The following MAL2 variants were observed in gnomAD, a reference collection of about 807,000 sequenced individuals.
The protein encoded by MAL2 is mal, T cell differentiation protein 2.
A neutral mutation model predicts 18.1 loss-of-function variants in MAL2; 17 were observed. The observed-to-expected ratio is 0.94, with a 90% CI of 0.64 to 1.41. The LOEUF (loss-of-function observed/expected upper bound fraction) is 1.41, where lower values mean the gene tolerates loss of function less well. Ranked by LOEUF, MAL2 falls within the 40% of genes most tolerant of loss-of-function variation. The pLI, the probability that MAL2 is intolerant of heterozygous loss-of-function variation, is 0.00. For missense variants in MAL2, 222 were observed against 231.9 expected (o/e 0.96, Z 0.28); for synonymous variants, 102 against 102.3 (o/e 1.00, Z 0.02).
At chr8:119,213,047 A>G (rs1472405989) in intron 1 of MAL2, among the ~76,000 whole-genome samples, 3 of 152,150 alleles carry the variant, frequency 2.0e-5, no homozygotes, top group Non-Finnish European at 1.5e-5. Context: ...TAGTTTAGAT[A>G]AGGGATGAAA....
intron 1 of MAL2, among the ~76,000 whole-genome samples, chr8:119,219,602 TTGAGG>T (rs1817430804): frequency 6.6e-6 from 1 of 151,878 alleles, no homozygotes; most frequent in Non-Finnish European, 1.5e-5. Flanking sequence ...TCTCACTTGC[TTGAGG>T]TGTCTTCAGG....
chr8:119,239,912 A>T (rs899545745), intron 2 of MAL2, among the ~76,000 whole-genome samples: 6 of 152,136 alleles, frequency 3.9e-5, no homozygotes, highest in Non-Finnish European at 7.4e-5. Context: ...ATAATAATAA[A>T]AAAATAAAAT....
At chr8:119,234,837 G>C (rs867680134) in intron 2 of MAL2, among the ~76,000 whole-genome samples, 20 of 151,848 alleles carry the variant, frequency 1.3e-4, no homozygotes, top group South Asian at 4.2e-4. Flanking sequence ...ACCAAAAGTA[G>C]ATAAAACCAC....
intron 3 of MAL2, among the ~76,000 whole-genome samples, chr8:119,241,638 C>G (rs1011943141): frequency 6.6e-6 from 1 of 152,060 alleles, no homozygotes; most frequent in Non-Finnish European, 1.5e-5. Context: ...GATTTCAAGA[C>G]CTATTGTAAG....
In MAL2 at chr8:119,208,370, G is replaced by C; in HGVS notation, c.-103G>C. 1.7e-6 allele frequency: 1 copy of C among 599,142 alleles called. No homozygotes were observed. The highest frequency in any genetic ancestry group is 2.1e-6 in the Non-Finnish European group (1 of 476,364). 37.1% of individuals were successfully genotyped at this position (599,142 alleles called of 1,614,324 possible). ...CGCCTCCTCCCGCGCGGCGCGCCCGGAGCCCGCGGAGCTGAGCGGCGGCGG... is the reference window on the plus strand; with the variant it reads ...CGCCTCCTCCCGCGCGGCGCGCCCGCAGCCCGCGGAGCTGAGCGGCGGCGG... On this transcript the variant is annotated 5_prime_UTR_variant, in exon 1 of 4. Coordinates refer to ENST00000614891, the MANE Select transcript of MAL2 (RefSeq NM_052886.3). This position sits in a 1 kb window ranked among gnomAD's most constrained non-coding sequence, Gnocchi z 4.3.
At chr8:119,233,942 A>G (rs1223427096) in intron 2 of MAL2, among the ~76,000 whole-genome samples, 1 of 152,164 alleles carries the variant, frequency 6.6e-6, no homozygotes, top group African/African-American at 2.4e-5. Context: ...ATACTGGCAA[A>G]CCAAGGGGAG....
rs758440338 is a variant in MAL2, at chr8:119,245,025, C to T, written c.*1537C>T. The T allele has an allele frequency of 2.0e-5, 3 of 152,484 alleles. No homozygotes were observed. Among genetic ancestry groups the T allele is most frequent in the South Asian group, 2.1e-4 (1 of 4,830 alleles). The allele number at this position is 152,484 out of a possible 1,614,324, so 9.4% of individuals were successfully genotyped here. On this transcript the variant is annotated 3_prime_UTR_variant, in exon 4 of 4. Transcript: ENST00000614891. ...ACAACCATGAATGAGTGGCATGATC[C>T]GTGCTTAATGATCAAGTGTTACTTA... is the stretch of plus-strand genomic sequence containing the variant.
chr8:119,225,347 A>T (rs1476577094), intron 2 of MAL2, among the ~76,000 whole-genome samples: 1 of 149,794 alleles, frequency 6.7e-6, no homozygotes, highest in Non-Finnish European at 1.5e-5. Context: ...TTCAATTCCC[A>T]TCTATGAGTG....
chr8:119,222,179 T>C (rs890334345), intron 2 of MAL2, among the ~76,000 whole-genome samples: 5 of 152,106 alleles, frequency 3.3e-5, no homozygotes, highest in Non-Finnish European at 7.4e-5. Flanking sequence ...GAAAAGGGCA[T>C]GTTTCATATT....
chr8:119,237,268 A>G (rs1817927306), intron 2 of MAL2, among the ~76,000 whole-genome samples: 2 of 150,896 alleles, frequency 1.3e-5, no homozygotes, highest in African/African-American at 2.5e-5. Flanking sequence ...TAGACCAATA[A>G]CAGGAGCTGA....
Position 119,243,595 on chromosome 8 carries a change from T to G in MAL2, c.*107T>G. ...AGATGCAAAAACATTCCAAAAGTAA[T>G]GTGTTTAGTAGAGAGAGACTCTAAG... On this transcript the variant is annotated 3_prime_UTR_variant, in exon 4 of 4. Transcript: ENST00000614891. 1 of 943,934 alleles carries G rather than the reference T, an allele frequency of 1.1e-6. No individual in the cohort carries two copies. The highest frequency in any genetic ancestry group is 1.5e-6 in the Non-Finnish European group (1 of 652,722). 58.5% of individuals were successfully genotyped at this position (943,934 alleles called of 1,614,324 possible).
intron 2 of MAL2, among the ~76,000 whole-genome samples, chr8:119,233,789 C>T: frequency 6.6e-6 from 1 of 151,698 alleles, no homozygotes. Flanking sequence ...CTATTCCTAT[C>T]AATAGAAAAA....
chr8:119,226,409 CTT>C (rs908001364), intron 2 of MAL2, among the ~76,000 whole-genome samples: 2 of 140,002 alleles, frequency 1.4e-5, no homozygotes, highest in Non-Finnish European at 3.1e-5. Flanking sequence ...CTTTCCCCCC[CTT>C]TTTTTTTTTA....
intron 1 of MAL2, among the ~76,000 whole-genome samples, chr8:119,219,563 G>GAC (rs1817429357): frequency 6.6e-6 from 1 of 150,430 alleles, no homozygotes; most frequent in Non-Finnish European, 1.5e-5. Flanking sequence ...GTGAGAGAGA[G>GAC]AGACAGAGAG....
intron 1 of MAL2, chr8:119,221,266 G>C (rs1253035772): frequency 4.6e-6 from 1 of 216,498 alleles, no homozygotes; most frequent in Non-Finnish European, 9.2e-6. Flanking sequence ...GTGGTAGTCA[G>C]AGAATCAGTA....
At chr8:119,217,722 T>G (rs73709674) in intron 1 of MAL2, among the ~76,000 whole-genome samples, 11,222 of 152,232 alleles carry the variant, frequency 0.074, 1,199 homozygotes, top group African/African-American at 0.24. Flanking sequence ...CAGTTGCTAC[T>G]GTATTTATCA....
intron 2 of MAL2, among the ~76,000 whole-genome samples, chr8:119,227,997 CTTGT>C (rs139277498): frequency 0.56 from 85,342 of 151,478 alleles, 25,669 homozygotes; most frequent in Non-Finnish European, 0.68. Context: ...TATTGCTACA[CTTGT>C]TTGTTTTTAG....
intron 3 of MAL2, among the ~76,000 whole-genome samples, chr8:119,240,633 T>C (rs953537572): frequency 3.3e-5 from 5 of 152,200 alleles, no homozygotes; most frequent in African/African-American, 1.2e-4. Flanking sequence ...CTGATAACTT[T>C]CAGAGATGGT....
intron 2 of MAL2, among the ~76,000 whole-genome samples, chr8:119,230,272 T>C (rs979962445): frequency 2.0e-5 from 3 of 152,126 alleles, no homozygotes; most frequent in East Asian, 1.9e-4. Flanking sequence ...CCTGGCTGGA[T>C]AGGATGACCC....
Sources: gnomAD v4.1 joint callset for allele counts (sites outside exome capture counted in the v4.1 genomes callset) on GRCh38, gnomAD v4.1.1 for gene constraint, Gnocchi (gnomAD v3.1) non-coding constraint, MANE v1.5 for transcripts, NCBI Gene and HGNC (gene_info 2026-07-23, HGNC 2026-07-21) for gene names.